CDH4: variants seen among roughly 807,000 people sequenced by gnomAD.
CDH4 encodes cadherin-4.
Under a neutral mutation model 86.0 loss-of-function variants are expected in CDH4, and 33 were observed. The ratio of observed to expected loss-of-function variants is 0.38; its 90% confidence interval spans 0.29 to 0.51. The LOEUF is 0.51. CDH4 is among the 20% of genes least tolerant of loss of function. CDH4 has a pLI of 0.86. For synonymous variants in CDH4, 555 were observed against 549.4 expected, an observed-to-expected ratio of 1.01 and a Z score of -0.14; for missense variants, 1,114 against 1,307.4, an observed-to-expected ratio of 0.85 and a Z score of 2.28.
chr20:61,809,529 C>G (rs1980320427), intron 4 of CDH4, among the ~76,000 whole-genome samples: 1 of 152,192 alleles, frequency 6.6e-6, no homozygotes, highest in Admixed American at 6.5e-5. Flanking sequence ...TATAGCCATA[C>G]ATACTCGACA....
intron 2 of CDH4, among the ~76,000 whole-genome samples, chr20:61,626,674 A>G (rs2086832786): frequency 6.6e-6 from 1 of 152,172 alleles, no homozygotes; most frequent in Non-Finnish European, 1.5e-5. Flanking sequence ...TTCTGCACCC[A>G]GCAGCAGGTG....
At chr20:61,797,094 C>A (rs11468582) in intron 4 of CDH4, among the ~76,000 whole-genome samples, 6,250 of 148,298 alleles carry the variant, frequency 0.042, 244 homozygotes, top group African/African-American at 0.11. Flanking sequence ...CCCCCCCCCC[C>A]CCAACACTGG....
At chr20:61,636,140 C>T (rs2086944307) in intron 2 of CDH4, among the ~76,000 whole-genome samples, 1 of 152,220 alleles carries the variant, frequency 6.6e-6, no homozygotes, top group Non-Finnish European at 1.5e-5. Flanking sequence ...ATACAGAAAG[C>T]TTGCCCCGCC....
chr20:61,854,197 G>C (rs760921620), intron 6 of CDH4, among the ~76,000 whole-genome samples: 1 of 152,156 alleles, frequency 6.6e-6, no homozygotes, highest in Non-Finnish European at 1.5e-5. Context: ...ATGGAGCCCA[G>C]AGCCAGGGCC....
At position 61,907,678 on chromosome 20, in the gene CDH4, C is replaced by T. The variant is rs531943527; in HGVS notation, c.1189-2744C>T. 5.9e-5 allele frequency among the ~76,000 whole-genome samples: 9 copies of T among 152,244 alleles called. No individual in the cohort carries two copies. In the South Asian group the frequency reaches 1.9e-3, roughly 32 times the overall value. On this transcript the variant is annotated intron_variant, in intron 8 of 15. Transcript: ENST00000614565. ...AAGACAGAGTGAGTCCCGAAGCTCC[C>T]TCCTCTAGGGCCAGGTCAGCGTCTC...
chr20:61,544,933 T>A lies in CDH4; in HGVS notation c.170-198630T>A, dbSNP rs907650678. The stretch of plus-strand genomic sequence containing the variant: ...GGTACAATCAAATGTATGTGATAAG[T>A]AATTAGATATCCAGGTAGACAAGTA... On this transcript the variant is annotated intron_variant, in intron 2 of 15. Transcript: ENST00000614565. This position sits in a 1 kb window ranked among gnomAD's most constrained non-coding sequence, Gnocchi z 6.5. 6.6e-6 allele frequency among the ~76,000 whole-genome samples: 1 copy of A among 152,096 alleles called. No individual in the cohort carries two copies. The highest frequency in any genetic ancestry group is 2.4e-5 in the African/African-American group (1 of 41,414).
At chr20:61,430,428 C>T (rs763164399) in intron 2 of CDH4, among the ~76,000 whole-genome samples, 5 of 152,162 alleles carry the variant, frequency 3.3e-5, no homozygotes, top group Non-Finnish European at 5.9e-5. Flanking sequence ...GCTTGTGAAG[C>T]CAAAACAGTT....
At chr20:61,356,228 G>A (rs932117339) in intron 2 of CDH4, among the ~76,000 whole-genome samples, 1 of 152,128 alleles carries the variant, frequency 6.6e-6, no homozygotes, top group African/African-American at 2.4e-5. Flanking sequence ...TTGGAAGAGG[G>A]TTGAGTCCCT....
At chr20:61,361,570 A>G (rs74503764) in intron 2 of CDH4, among the ~76,000 whole-genome samples, 96 of 152,306 alleles carry the variant, frequency 6.3e-4, no homozygotes, top group African/African-American at 2.3e-3. Context: ...CCGAAAAGGA[A>G]GATGCTCCCA....
At chr20:61,877,080 AC>A (rs1230557436) in intron 7 of CDH4, among the ~76,000 whole-genome samples, 1 of 151,850 alleles carries the variant, frequency 6.6e-6, no homozygotes, top group Non-Finnish European at 1.5e-5. Flanking sequence ...CGGGAGGGAC[AC>A]CCCCTGGCCT....
Position 61,914,753 on chromosome 20 carries a change from T to C in CDH4, c.1374+4146T>C, listed in dbSNP as rs545827866. ...TGGCACCCACCAGCAGAAACCCAGATGTGAAAATCTGCAGATTTTCAGATT... is the reference window on the plus strand; with the variant it reads ...TGGCACCCACCAGCAGAAACCCAGACGTGAAAATCTGCAGATTTTCAGATT... On this transcript the variant is annotated intron_variant, in intron 9 of 15. Coordinates refer to ENST00000614565, the MANE Select transcript of CDH4 (RefSeq NM_001794.5). 4.3e-4 allele frequency among the ~76,000 whole-genome samples: 65 copies of C among 152,280 alleles called. 1 individual carries two copies. The highest frequency in any genetic ancestry group is 2.0e-3 in the Admixed American group (30 of 15,308).
At chr20:61,697,241 C>T (rs1430907846) in intron 2 of CDH4, among the ~76,000 whole-genome samples, 1 of 152,142 alleles carries the variant, frequency 6.6e-6, no homozygotes, top group Non-Finnish European at 1.5e-5. Context: ...ATGAGAAGCC[C>T]AGTTCATAGG....
chr20:61,362,158 T>A (rs762469331), intron 2 of CDH4, among the ~76,000 whole-genome samples: 13 of 151,670 alleles, frequency 8.6e-5, no homozygotes, highest in Non-Finnish European at 1.8e-4. Flanking sequence ...AGGAAGGCAA[T>A]GATGAGGAAG....
chr20:61,616,377 G>T lies in CDH4; in HGVS notation c.170-127186G>T, dbSNP rs145646200. On this transcript the variant is annotated intron_variant, in intron 2 of 15. Transcript: ENST00000614565. ...CCTTGGGGGACGTCAGTCTCTGGAG[G>T]ACTCTGGAGACCCACTCCTGCATTG... Among the ~76,000 whole-genome samples the T allele has an allele frequency of 2.6e-5, 4 of 152,286 alleles. No homozygotes were observed. The East Asian group carries it at 7.7e-4, about 30-fold the overall frequency.
intron 9 of CDH4, among the ~76,000 whole-genome samples, chr20:61,911,364 TCTAA>T (rs1232841667): frequency 6.6e-6 from 1 of 152,248 alleles, no homozygotes; most frequent in East Asian, 1.9e-4. Flanking sequence ...AGTCTTCTAA[TCTAA>T]CTCTTTTTCT....
At chr20:61,309,891 G>C (rs2084436439) in intron 2 of CDH4, among the ~76,000 whole-genome samples, 3 of 152,202 alleles carry the variant, frequency 2.0e-5, no homozygotes, top group Non-Finnish European at 2.9e-5. Context: ...ATCTATTAAA[G>C]AGAAGAAGGA....
At chr20:61,688,137 G>A (rs910115300) in intron 2 of CDH4, among the ~76,000 whole-genome samples, 35 of 152,072 alleles carry the variant, frequency 2.3e-4, no homozygotes, top group Admixed American at 3.9e-4. Flanking sequence ...CTTCTGCAGG[G>A]CCTCCCCTAA....
intron 2 of CDH4, among the ~76,000 whole-genome samples, chr20:61,645,905 G>A (rs1416909405): frequency 6.6e-6 from 1 of 152,176 alleles, no homozygotes; most frequent in African/African-American, 2.4e-5. Flanking sequence ...TTATAAGGTG[G>A]AGGGAAAGAT....
At chr20:61,670,991 G>T (rs755658132) in intron 2 of CDH4, among the ~76,000 whole-genome samples, 84 of 152,342 alleles carry the variant, frequency 5.5e-4, no homozygotes, top group Non-Finnish European at 9.0e-4. Flanking sequence ...TCTGGTCCCT[G>T]CCCTTAGTGA....
Sources: allele counts gnomAD v4.1 joint callset (sites outside exome capture counted in the v4.1 genomes callset), GRCh38; gene constraint gnomAD v4.1.1; non-coding constraint Gnocchi (gnomAD v3.1); transcripts MANE v1.5; gene names NCBI Gene and HGNC (gene_info 2026-07-23, HGNC 2026-07-21).